Variants in WIPF1 observed in about 807,000 individuals in gnomAD.
WIPF1 encodes WAS/WASL-interacting protein family member 1.
In WIPF1, 13 loss-of-function variants were observed where a neutral mutation model predicts 35.4. That is an observed-to-expected ratio of 0.37 (90% CI 0.24 to 0.58). WIPF1 has a LOEUF of 0.58. Among genes scored for constraint, WIPF1 ranks in the 20% least tolerant of loss-of-function variants. The pLI is 0.74. For missense variants in WIPF1, 591 were observed against 667.0 expected (o/e 0.89, Z 1.25); for synonymous variants, 267 against 266.3 (o/e 1.00, Z -0.02).
intron 1 of WIPF1, among the ~76,000 whole-genome samples, chr2:174,649,894 G>GT (rs1687498021): frequency 6.6e-6 from 1 of 152,186 alleles, no homozygotes; most frequent in Non-Finnish European, 1.5e-5. Flanking sequence ...ACTAGACCAG[G>GT]TAAGACTTTA....
intron 4 of WIPF1, 150 bp from the exon 5 acceptor site, chr2:174,572,596 G>A: frequency 4.4e-6 from 5 of 1,128,104 alleles, no homozygotes; most frequent in Non-Finnish European, 6.1e-6. Context: ...GGTTTTGTTG[G>A]TCCTTCTTGG....
At chr2:174,598,419 C>T (rs773575360), upstream of WIPF1, among the ~76,000 whole-genome samples, 3 of 152,126 alleles carry the variant, frequency 2.0e-5, no homozygotes, top group Non-Finnish European at 4.4e-5. Flanking sequence ...TCGAGCAATC[C>T]TCCAGCCTCA....
intron 1 of WIPF1, among the ~76,000 whole-genome samples, chr2:174,631,037 G>C (rs1195345873): frequency 6.6e-6 from 1 of 152,216 alleles, no homozygotes. Context: ...GGGAGGAAGA[G>C]TGGTATAAGA....
At chr2:174,665,161 T>C (rs1283681788) in intron 1 of WIPF1, 1 of 152,176 alleles carries the variant, frequency 6.6e-6, no homozygotes, top group African/African-American at 2.4e-5. Flanking sequence ...CCCTATAATA[T>C]GGTTTCTCCT....
intron 2 of WIPF1, among the ~76,000 whole-genome samples, chr2:174,582,842 A>G (rs1483199520): frequency 6.6e-6 from 1 of 152,214 alleles, no homozygotes; most frequent in Non-Finnish European, 1.5e-5. Context: ...TAAATGATGA[A>G]GTATTACTTG....
rs556678311 is a variant in WIPF1 at position 174,571,942 on chromosome 2, TGAGGAG to T, written c.857_862del (p.Pro286_Pro287del). The T allele has an allele frequency of 6.3e-7, 1 of 1,589,240 alleles. No homozygotes were observed. The highest frequency in any genetic ancestry group is 1.4e-5 in the African/African-American group (1 of 73,818). On this transcript the variant is annotated inframe_deletion, in exon 5 of 8. Coordinates refer to ENST00000679041, the MANE Select transcript of WIPF1 (RefSeq NM_001375834.1). The surrounding 1 kb of genome is among the most constrained non-coding windows in gnomAD (Gnocchi z 4.6). ...GGAAGGCACTGGAGGCTTGTTGTTC[TGAGGAG>T]GAGGAGGGGGAACCGCTTCCCTGTG...
upstream of WIPF1, among the ~76,000 whole-genome samples, chr2:174,598,454 GGCATAT>G (rs2105875490): frequency 6.6e-6 from 1 of 152,222 alleles, no homozygotes; most frequent in East Asian, 1.9e-4. Flanking sequence ...TGAGACTACA[GGCATAT>G]GCCACTGCAC....
intron 1 of WIPF1, among the ~76,000 whole-genome samples, chr2:174,647,112 T>A (rs1687427061): frequency 6.6e-6 from 1 of 152,184 alleles, no homozygotes; most frequent in Non-Finnish European, 1.5e-5. Context: ...AATATTTGTG[T>A]CTGATCAAAA....
chr2:174,634,183 C>T (rs1239439629), intron 1 of WIPF1, among the ~76,000 whole-genome samples: 8 of 152,148 alleles, frequency 5.3e-5, no homozygotes, highest in African/African-American at 1.9e-4. Context: ...TGATCTGTCC[C>T]GTTTCACATT....
intron 1 of WIPF1, among the ~76,000 whole-genome samples, chr2:174,589,594 G>A (rs1685541787): frequency 6.6e-6 from 1 of 152,062 alleles, no homozygotes; most frequent in East Asian, 1.9e-4. Flanking sequence ...CACACCCAGA[G>A]TCTGTGGATA....
At chr2:174,623,019 C>T (rs909390442) in intron 1 of WIPF1, among the ~76,000 whole-genome samples, 3 of 151,986 alleles carry the variant, frequency 2.0e-5, no homozygotes, top group Admixed American at 6.6e-5. Flanking sequence ...GATGGGGATG[C>T]GTAGTACCAA....
At chr2:174,604,955 TGAACCAAG>T (rs769440364) in intron 1 of WIPF1, among the ~76,000 whole-genome samples, 1 of 152,218 alleles carries the variant, frequency 6.6e-6, no homozygotes, top group Non-Finnish European at 1.5e-5. Context: ...AGACTACTTT[TGAACCAAG>T]GAGATGTAGT....
At chr2:174,606,574 TTCAA>T (rs1276731909) in intron 1 of WIPF1, among the ~76,000 whole-genome samples, 2 of 152,164 alleles carry the variant, frequency 1.3e-5, no homozygotes, top group Non-Finnish European at 2.9e-5. Context: ...TTAACAGATG[TTCAA>T]TCAATGTCAG....
chr2:174,655,310 C>T (rs1227432546), intron 1 of WIPF1, among the ~76,000 whole-genome samples: 1 of 152,172 alleles, frequency 6.6e-6, no homozygotes, highest in Non-Finnish European at 1.5e-5. Context: ...GCCCACCTCC[C>T]TCCGTTCTTA....
chr2:174,635,852 T>C (rs1559168437), intron 1 of WIPF1, among the ~76,000 whole-genome samples: 4 of 152,196 alleles, frequency 2.6e-5, no homozygotes, highest in African/African-American at 9.7e-5. Flanking sequence ...CATGGGAGAA[T>C]ACCGAGTAAG....
At chr2:174,592,998 TTTG>T (rs1035079270) in intron 1 of WIPF1, among the ~76,000 whole-genome samples, 8 of 152,204 alleles carry the variant, frequency 5.3e-5, no homozygotes, top group Non-Finnish European at 7.3e-5. Flanking sequence ...TAGTTTTTTG[TTTG>T]TTGTTGTTTT....
intron 1 of WIPF1, among the ~76,000 whole-genome samples, chr2:174,636,785 T>C (rs1687189350): frequency 6.6e-6 from 1 of 152,202 alleles, no homozygotes; most frequent in South Asian, 2.1e-4. Context: ...TTGGTAAGAC[T>C]GGGGTTATGG....
chr2:174,645,769 G>A (rs942043303), intron 1 of WIPF1, among the ~76,000 whole-genome samples: 2 of 152,150 alleles, frequency 1.3e-5, no homozygotes, highest in African/African-American at 4.8e-5. Context: ...ATTCTTCTTC[G>A]GCATAACACA....
At chr2:174,598,399 C>T (rs1685891709), upstream of WIPF1, among the ~76,000 whole-genome samples, 1 of 152,122 alleles carries the variant, frequency 6.6e-6, no homozygotes, top group Non-Finnish European at 1.5e-5. Context: ...GTGGCCCTGA[C>T]CTCCTGGGTT....
Sources: gnomAD v4.1 joint callset for allele counts (sites outside exome capture counted in the v4.1 genomes callset) on GRCh38, gnomAD v4.1.1 for gene constraint, Gnocchi (gnomAD v3.1) non-coding constraint, MANE v1.5 for transcripts, NCBI Gene and HGNC (gene_info 2026-07-23, HGNC 2026-07-21) for gene names.